Variants in NT5DC3 observed in about 807,000 individuals in gnomAD.
NT5DC3 encodes the protein 5'-nucleotidase domain containing 3, also known as 5'-nucleotidase domain-containing protein 3.
A neutral mutation model predicts 67.8 loss-of-function variants in NT5DC3; 42 were observed. The ratio of observed to expected loss-of-function variants is 0.62; its 90% CI spans 0.48 to 0.80. The LOEUF (loss-of-function observed/expected upper bound fraction) is 0.80. Among genes scored for constraint, NT5DC3 ranks in the 30% least tolerant of loss-of-function variants. NT5DC3 has a pLI of 0.00. For missense variants in NT5DC3, 570 were observed against 696.4 expected, an observed-to-expected ratio of 0.82 and a Z score of 2.04; for synonymous variants, 237 against 255.6, an observed-to-expected ratio of 0.93 and a Z score of 0.69.
intron 1 of NT5DC3, chr12:103,821,779 C>T (rs1226982895): frequency 6.6e-6 from 1 of 152,186 alleles, no homozygotes; most frequent in Non-Finnish European, 1.5e-5. Context: ...AACTTTTTAA[C>T]CTGGTATCAA....
intron 4 of NT5DC3, among the ~76,000 whole-genome samples, chr12:103,804,912 G>T (rs553522480): frequency 5.3e-5 from 8 of 152,274 alleles, no homozygotes; most frequent in Non-Finnish European, 1.2e-4. Context: ...CTAGCCGGGC[G>T]TGGCGGCACA....
chr12:103,814,894 G>A (rs1887182392), intron 2 of NT5DC3, 43 bp downstream of exon 2: 2 of 1,498,690 alleles, frequency 1.3e-6, no homozygotes, highest in Non-Finnish European at 1.8e-6. Context: ...TGTTCTAAGA[G>A]GAAAAGGGGA....
chr12:103,755,664 T>C, the NT5DC3 span: 58 of 1,614,042 alleles, frequency 3.6e-5, 1 homozygote, highest in Admixed American at 7.8e-4. Context: ...TCTCATGCAG[T>C]GGGAACCTGC....
At chr12:103,759,019 G>A in the NT5DC3 span, 122 of 1,549,366 alleles carry the variant, frequency 7.9e-5, no homozygotes, top group Non-Finnish European at 1.0e-4. Context: ...TCTCCACATG[G>A]AGGCAGGAAA....
the NT5DC3 span, among the ~76,000 whole-genome samples, chr12:103,762,077 C>T: frequency 2.2e-4 from 33 of 152,322 alleles, no homozygotes; most frequent in African/African-American, 7.9e-4. Flanking sequence ...CTCCCTATCT[C>T]TTTGGGTTAT....
chr12:103,765,085 T>TC, the NT5DC3 span, among the ~76,000 whole-genome samples: 20,648 of 65,030 alleles, frequency 0.32, 2,122 homozygotes, highest in African/African-American at 0.34. Context: ...AGACTCTGTC[T>TC]CAAAAAAAAA....
intron 11 of NT5DC3, chr12:103,785,751 T>TTAAAA: frequency 2.8e-6 from 1 of 363,510 alleles, no homozygotes; most frequent in South Asian, 1.9e-5. Flanking sequence ...CCATGGTCTG[T>TTAAAA]AAAAAAAAAA....
the NT5DC3 span, among the ~76,000 whole-genome samples, chr12:103,751,979 T>C: frequency 1.2e-4 from 19 of 152,286 alleles, no homozygotes; most frequent in Non-Finnish European, 2.6e-4. Flanking sequence ...AGGAAGCGCC[T>C]GCCCTCACAC....
At chr12:103,746,855 G>A in the NT5DC3 span, 2 of 725,696 alleles carry the variant, frequency 2.8e-6, no homozygotes, top group East Asian at 5.3e-5. Flanking sequence ...TTCTTTAATG[G>A]GTGTGCTCAT....
At chr12:103,771,002 T>G (rs908897763), downstream of NT5DC3, 1 of 152,434 alleles carries the variant, frequency 6.6e-6, no homozygotes, top group Non-Finnish European at 1.5e-5. Flanking sequence ...ACACCAAATC[T>G]GCCGGCACCT....
chr12:103,767,531 G>C (rs764328011), downstream of NT5DC3, among the ~76,000 whole-genome samples: 3 of 152,188 alleles, frequency 2.0e-5, no homozygotes, highest in Non-Finnish European at 4.4e-5. Context: ...CTTTAAAACA[G>C]TGAATTTCAT....
intron 1 of NT5DC3, among the ~76,000 whole-genome samples, chr12:103,828,310 T>G (rs1887778459): frequency 6.6e-6 from 1 of 152,182 alleles, no homozygotes; most frequent in Non-Finnish European, 1.5e-5. Context: ...AGGGATTCCT[T>G]CTTCCAGCAG....
At chr12:103,761,201 C>T in the NT5DC3 span, 15 of 1,099,822 alleles carry the variant, frequency 1.4e-5, no homozygotes, top group Non-Finnish European at 1.8e-5. Flanking sequence ...AAACCTGAAA[C>T]ATGGGCTCAG....
intron 1 of NT5DC3, among the ~76,000 whole-genome samples, chr12:103,833,103 A>C (rs1210252244): frequency 6.6e-6 from 1 of 152,192 alleles, no homozygotes; most frequent in Non-Finnish European, 1.5e-5. Context: ...TCCCAAGTAT[A>C]TTCTGTCAAG....
At chr12:103,823,614 ATATTCCAAATACTT>A (rs1440209460) in intron 1 of NT5DC3, among the ~76,000 whole-genome samples, 1 of 152,220 alleles carries the variant, frequency 6.6e-6, no homozygotes. Context: ...ATACTCCCAG[ATATTCCAAATACTT>A]TAAGATTTCA....
At chr12:103,756,657 A>G in the NT5DC3 span, among the ~76,000 whole-genome samples, 2 of 152,158 alleles carry the variant, frequency 1.3e-5, no homozygotes, top group Non-Finnish European at 2.9e-5. Context: ...CGAGTACGGA[A>G]CAAGGACAGC....
At chr12:103,817,709 C>A (rs1013847608) in intron 1 of NT5DC3, among the ~76,000 whole-genome samples, 5 of 152,196 alleles carry the variant, frequency 3.3e-5, no homozygotes, top group African/African-American at 1.2e-4. Flanking sequence ...TAAGGATACA[C>A]CAGCACCAAA....
At chr12:103,746,562 T>C in the NT5DC3 span, 1 of 1,601,914 alleles carries the variant, frequency 6.2e-7, no homozygotes, top group Non-Finnish European at 8.6e-7. Flanking sequence ...CTTCACACCA[T>C]GGGTACAGAA....
At chr12:103,811,473 C>T (rs796589676) in intron 2 of NT5DC3, among the ~76,000 whole-genome samples, 1 of 152,078 alleles carries the variant, frequency 6.6e-6, no homozygotes, top group African/African-American at 2.4e-5. Flanking sequence ...CTTCCTCCCC[C>T]AAACCCATAA....
Sources: gnomAD v4.1 joint callset for allele counts (sites outside exome capture counted in the v4.1 genomes callset) on GRCh38, gnomAD v4.1.1 for gene constraint, MANE v1.5 for transcripts, NCBI Gene and HGNC (gene_info 2026-07-23, HGNC 2026-07-21) for gene names.